EXOC6B: variants seen among roughly 807,000 people sequenced by gnomAD.
EXOC6B encodes the protein SEC15 homolog B.
A neutral mutation model predicts 113.5 loss-of-function variants in EXOC6B; 54 were observed. That is an observed-to-expected ratio of 0.48 (90% CI 0.38 to 0.60). The LOEUF (loss-of-function observed/expected upper bound fraction) is 0.60, where lower values mean the gene tolerates loss of function less well. EXOC6B is among the 20% of genes least tolerant of loss of function. The pLI, the probability that EXOC6B is intolerant of heterozygous loss-of-function variation, is 0.00. For synonymous variants in EXOC6B, 357 were observed against 339.0 expected (o/e 1.05, Z -0.58); for missense variants, 797 against 977.5 (o/e 0.82, Z 2.46).
intron 20 of EXOC6B, among the ~76,000 whole-genome samples, chr2:72,235,325 C>T (rs1226078523): frequency 1.3e-5 from 2 of 152,126 alleles, no homozygotes; most frequent in Non-Finnish European, 2.9e-5. Context: ...CATGTTTTCA[C>T]TTATTTAGCT....
intron 20 of EXOC6B, among the ~76,000 whole-genome samples, chr2:72,196,224 A>G (rs1679158801): frequency 6.6e-6 from 1 of 152,242 alleles, no homozygotes; most frequent in Non-Finnish European, 1.5e-5. Context: ...AAATTAAGAA[A>G]CATAGTTGTA....
In EXOC6B at chr2:72,799,507, C is replaced by G. The variant is rs139795128; in HGVS notation, c.113+26291G>C. Among the ~76,000 whole-genome samples, 207 of 151,976 alleles carry G rather than the reference C, an allele frequency of 1.4e-3. 1 individual carries two copies. Among genetic ancestry groups the G allele is most frequent in the African/African-American group, 4.4e-3 (181 of 41,450 alleles). The stretch of plus-strand genomic sequence containing the variant: ...ACCAGTTGAGCCCAGGAGGCCGAAG[C>G]TGCAGTGAGCTATGATGGCACCACT... On this transcript the variant is annotated intron_variant, in intron 1 of 21. Transcript: ENST00000272427.
At chr2:72,441,020 T>C (rs1696166561) in intron 18 of EXOC6B, among the ~76,000 whole-genome samples, 2 of 152,216 alleles carry the variant, frequency 1.3e-5, no homozygotes. Flanking sequence ...GGTTGCATTA[T>C]AGTGTAACTG....
At chr2:72,647,207 A>G (rs111550560) in intron 6 of EXOC6B, among the ~76,000 whole-genome samples, 1 of 152,226 alleles carries the variant, frequency 6.6e-6, no homozygotes, top group Non-Finnish European at 1.5e-5. Flanking sequence ...ATACCTAGGA[A>G]TCCAACTTAC....
intron 1 of EXOC6B, among the ~76,000 whole-genome samples, chr2:72,811,018 G>T (rs1685885548): frequency 6.6e-6 from 1 of 151,912 alleles, no homozygotes; most frequent in South Asian, 2.1e-4. Flanking sequence ...TCTAGTCTGA[G>T]CAACCTCATA....
chr2:72,222,806 T>G (rs954160611), intron 20 of EXOC6B, among the ~76,000 whole-genome samples: 3 of 152,186 alleles, frequency 2.0e-5, no homozygotes, highest in Non-Finnish European at 4.4e-5. Flanking sequence ...ACAAGCTACT[T>G]TGAACCCTAA....
chr2:72,399,017 A>AG (rs1441683546), intron 18 of EXOC6B, among the ~76,000 whole-genome samples: 2 of 151,678 alleles, frequency 1.3e-5, no homozygotes, highest in African/African-American at 2.4e-5. Context: ...AAGAAAAAAA[A>AG]AAAAAGAAAA....
chr2:72,209,892 T>G (rs1680078806), intron 20 of EXOC6B, among the ~76,000 whole-genome samples: 1 of 152,224 alleles, frequency 6.6e-6, no homozygotes, highest in African/African-American at 2.4e-5. Flanking sequence ...GCAGACTCTT[T>G]CTTAAAATTA....
chr2:72,346,880 A>G (rs1689368134), intron 19 of EXOC6B, among the ~76,000 whole-genome samples: 1 of 152,126 alleles, frequency 6.6e-6, no homozygotes, highest in Non-Finnish European at 1.5e-5. Flanking sequence ...TACGATTTCA[A>G]CCTACAATCT....
chr2:72,534,082 G>A (rs1702153576), intron 8 of EXOC6B, among the ~76,000 whole-genome samples: 1 of 152,038 alleles, frequency 6.6e-6, no homozygotes, highest in African/African-American at 2.4e-5. Flanking sequence ...GACTCAATGA[G>A]ATAAAGTATG....
intron 18 of EXOC6B, among the ~76,000 whole-genome samples, chr2:72,409,460 A>G (rs1558640459): frequency 6.6e-6 from 1 of 152,210 alleles, no homozygotes; most frequent in Non-Finnish European, 1.5e-5. Context: ...AAGACTTGGA[A>G]CCAACCCAAA....
At chr2:72,785,901 C>A (rs1244067854) in intron 1 of EXOC6B, among the ~76,000 whole-genome samples, 1 of 152,156 alleles carries the variant, frequency 6.6e-6, no homozygotes, top group African/African-American at 2.4e-5. Context: ...GCAAATTTTC[C>A]AAACTTTTAT....
At chr2:72,250,861 T>C (rs1218487971) in intron 20 of EXOC6B, among the ~76,000 whole-genome samples, 1 of 152,160 alleles carries the variant, frequency 6.6e-6, no homozygotes, top group Middle Eastern at 3.2e-3. Flanking sequence ...TGTTTATTTT[T>C]ATTTTTGAGA....
At chr2:72,659,370 A>G (rs936164610) in intron 6 of EXOC6B, among the ~76,000 whole-genome samples, 2 of 152,136 alleles carry the variant, frequency 1.3e-5, no homozygotes, top group East Asian at 1.9e-4. Context: ...CTCTTGCTCT[A>G]TGTTAGGCAA....
chr2:72,491,022 A>G (rs1196064565), intron 16 of EXOC6B, among the ~76,000 whole-genome samples: 1 of 152,190 alleles, frequency 6.6e-6, no homozygotes, highest in Non-Finnish European at 1.5e-5. Flanking sequence ...CTTCCCATCC[A>G]GAAAAAGAAA....
intron 5 of EXOC6B, among the ~76,000 whole-genome samples, chr2:72,730,192 A>G (rs1680545742): frequency 6.6e-6 from 1 of 152,140 alleles, no homozygotes; most frequent in Admixed American, 6.5e-5. Context: ...CCCCTTTACA[A>G]TAGTTAATTT....
At chr2:72,752,688 T>C (rs1466668307) in intron 1 of EXOC6B, among the ~76,000 whole-genome samples, 5 of 151,950 alleles carry the variant, frequency 3.3e-5, no homozygotes, top group Non-Finnish European at 7.4e-5. Flanking sequence ...TTCAAACCAG[T>C]GTAATCTGTT....
intron 19 of EXOC6B, among the ~76,000 whole-genome samples, chr2:72,370,561 A>G (rs958178920): frequency 3.9e-5 from 6 of 152,208 alleles, no homozygotes; most frequent in African/African-American, 1.4e-4. Flanking sequence ...ACACATGCAC[A>G]TGTATGTTTA....
intron 6 of EXOC6B, among the ~76,000 whole-genome samples, chr2:72,649,979 A>G (rs1015539897): frequency 6.6e-5 from 10 of 152,226 alleles, no homozygotes; most frequent in African/African-American, 1.7e-4. Flanking sequence ...GGGGTCCCCA[A>G]CCCACAGGCC....
Sources: allele counts gnomAD v4.1 joint callset (sites outside exome capture counted in the v4.1 genomes callset), GRCh38; gene constraint gnomAD v4.1.1; transcripts MANE v1.5; gene names NCBI Gene and HGNC (gene_info 2026-07-23, HGNC 2026-07-21).